NT5E: variants seen among roughly 807,000 people sequenced by gnomAD.
NT5E encodes the protein 5'-nucleotidase ecto.
NT5E carries 53 observed loss-of-function variants against 55.1 expected under a neutral mutation model. The ratio of observed to expected loss-of-function variants is 0.96; its 90% CI spans 0.77 to 1.21. NT5E has a LOEUF of 1.21. Among genes scored for constraint, NT5E ranks in the 50% most tolerant of loss-of-function variants. The pLI is 0.00. For synonymous variants in NT5E, 270 were observed against 278.4 expected (o/e 0.97, Z 0.30); for missense variants, 683 against 724.3 (o/e 0.94, Z 0.65).
intron 1 of NT5E, among the ~76,000 whole-genome samples, chr6:85,460,708 G>C (rs1277639562): frequency 6.6e-6 from 1 of 152,080 alleles, no homozygotes; most frequent in Non-Finnish European, 1.5e-5. Flanking sequence ...CTTTTCACCT[G>C]TAAATGAATG....
At chr6:85,481,006 G>A (rs1405338325) in intron 3 of NT5E, among the ~76,000 whole-genome samples, 1 of 152,098 alleles carries the variant, frequency 6.6e-6, no homozygotes, top group Non-Finnish European at 1.5e-5. Context: ...CTGAATTGAG[G>A]GGACCTGGGG....
At chr6:85,465,197 G>A (rs1156530009) in intron 1 of NT5E, among the ~76,000 whole-genome samples, 1 of 152,174 alleles carries the variant, frequency 6.6e-6, no homozygotes, top group Non-Finnish European at 1.5e-5. Context: ...AGGAGGATTA[G>A]GCTCAAGTTA....
rs528849512 is a variant in NT5E, at chr6:85,487,074, GGGCCAA to G, written c.950-260_950-255del. ...CGCCACCACTAATGCTGTCCCAGGTGGGCCAATGGGTAGCTCATACAGATGTGATGA... is the reference window on the plus strand; with the variant it reads ...CGCCACCACTAATGCTGTCCCAGGTGTGGGTAGCTCATACAGATGTGATGA... On this transcript the variant is annotated intron_variant, in intron 4 of 8. Transcript: ENST00000257770. 3.8e-3 allele frequency among the ~76,000 whole-genome samples: 580 copies of G among 152,304 alleles called. 2 individuals carry two copies. Among genetic ancestry groups the G allele is most frequent in the African/African-American group, 0.013 (553 of 41,556 alleles).
Position 85,494,227 on chromosome 6 carries a change from C to A in NT5E, c.*223C>A, listed in dbSNP as rs1769845891. On this transcript the variant is annotated 3_prime_UTR_variant, in exon 9 of 9. Coordinates refer to ENST00000257770, the MANE Select transcript of NT5E (RefSeq NM_002526.4). ...AACATAGGGCCCTATAAGGAGAAAG[C>A]CAACTATGTTAAGTTTACGTGTCCA... The A allele has an allele frequency of 1.9e-6, 1 of 538,966 alleles. No homozygotes were observed. Among genetic ancestry groups the A allele is most frequent in the Non-Finnish European group, 3.3e-6 (1 of 304,952 alleles). The allele number at this position is 538,966 out of a possible 1,614,324, so 33.4% of individuals were successfully genotyped here.
Position 85,494,627 on chromosome 6 carries a change from C to A in NT5E, c.*623C>A, listed in dbSNP as rs1435948983. On this transcript the variant is annotated 3_prime_UTR_variant, in exon 9 of 9. Coordinates refer to ENST00000257770, the MANE Select transcript of NT5E (RefSeq NM_002526.4). ...AGCCCCAAGCTCATGGATGACAAAT[C>A]TCTGCTTTATTTCTTGTCTCTATTT... is the stretch of plus-strand genomic sequence containing the variant. The A allele has an allele frequency of 1.3e-5, 2 of 153,286 alleles. No homozygotes were observed. Among genetic ancestry groups the A allele is most frequent in the Non-Finnish European group, 2.9e-5 (2 of 68,608 alleles). 9.5% of individuals were successfully genotyped at this position (153,286 alleles called of 1,614,324 possible).
At chr6:85,453,511 A>G (rs1302768100) in intron 1 of NT5E, among the ~76,000 whole-genome samples, 1 of 152,156 alleles carries the variant, frequency 6.6e-6, no homozygotes, top group African/African-American at 2.4e-5. Context: ...TATTTTTGCT[A>G]TAGTTACTCA....
intron 3 of NT5E, among the ~76,000 whole-genome samples, chr6:85,480,555 G>A (rs1769525409): frequency 6.6e-6 from 1 of 152,158 alleles, no homozygotes; most frequent in South Asian, 2.1e-4. Context: ...CAGAAGCAGA[G>A]ACAGCAGCCA....
At chr6:85,489,048 G>C (rs1769728242) in intron 5 of NT5E, among the ~76,000 whole-genome samples, 3 of 152,200 alleles carry the variant, frequency 2.0e-5, no homozygotes, top group African/African-American at 7.2e-5. Flanking sequence ...TTGGGAATCA[G>C]CTGCAGACAT....
chr6:85,476,823 T>C (rs1769446922), intron 3 of NT5E, among the ~76,000 whole-genome samples: 2 of 152,094 alleles, frequency 1.3e-5, no homozygotes, highest in East Asian at 1.9e-4. Flanking sequence ...TTTTCACCAG[T>C]GTCAAGCTTC....
Position 85,450,204 on chromosome 6 carries a change from C to T in NT5E, c.65C>T (p.Pro22Leu). 6.2e-7 allele frequency: 1 copy of T among 1,608,588 alleles called. No individual in the cohort carries two copies. The highest frequency in any genetic ancestry group is 8.5e-7 in the Non-Finnish European group (1 of 1,178,706). ...CTCGCCCTGGGCGCGGTGCTGTGGCCTGCGGCTGGCGCCTGGGAGCTTACG... is the reference window on the plus strand; with the variant it reads ...CTCGCCCTGGGCGCGGTGCTGTGGCTTGCGGCTGGCGCCTGGGAGCTTACG... ...LLLALGAVLW[P>L]AAGAWELTIL... is the part of the protein sequence containing the mutation. Residue 22 changes from proline to leucine, a missense_variant, in exon 1 of 9, where the codon CCT (proline) becomes CTT (leucine). Physicochemically the swap from Pro to Leu is moderately conservative, Grantham distance 98 (BLOSUM62 -3). Transcript: ENST00000257770. This position sits in a 1 kb window ranked among gnomAD's most constrained non-coding sequence, Gnocchi z 4.0.
intron 2 of NT5E, among the ~76,000 whole-genome samples, chr6:85,467,841 C>T (rs972540529): frequency 2.0e-5 from 3 of 151,250 alleles, no homozygotes; most frequent in Non-Finnish European, 4.4e-5. Flanking sequence ...CATTTATAGA[C>T]ATATATACAC....
rs145505137 is a variant in NT5E at position 85,492,158 on chromosome 6, A to G, written c.1542A>G (p.Glu514=). The change falls in exon 8 of 9, where the codon GAA becomes GAG. Residue 514 remains glutamate, a synonymous_variant. Coordinates refer to ENST00000257770, the MANE Select transcript of NT5E (RefSeq NM_002526.4). Reference sequence around the variant, plus strand: ...ATGGGTTCCAGATGATAAAAGATGAATTATTAAGACATGACTCTGGTAAGC... The same window carrying G: ...ATGGGTTCCAGATGATAAAAGATGAGTTATTAAGACATGACTCTGGTAAGC... ...GGDGFQMIKD[E]LLRHDSGDQD... The G allele has an allele frequency of 3.1e-6, 5 of 1,613,952 alleles. No individual in the cohort carries two copies. Among genetic ancestry groups the G allele is most frequent in the African/African-American group, 1.3e-5 (1 of 74,912 alleles).
rs761803323 is a variant in NT5E, at chr6:85,493,890, A to G, written c.1611A>G (p.Val537=). The G allele has an allele frequency of 6.2e-7, 1 of 1,614,048 alleles. No individual in the cohort carries two copies. Among genetic ancestry groups the G allele is most frequent in the Non-Finnish European group, 8.5e-7 (1 of 1,179,946 alleles). ...CTACATATATCTCCAAAATGAAAGT[A>G]ATTTATCCAGCAGTTGAAGGTCGGA... ...VVSTYISKMK[V]IYPAVEGRIK... is the part of the protein sequence containing the mutation. Residue 537 remains valine, a synonymous_variant, in exon 9 of 9, where the codon GTA becomes GTG. Transcript: ENST00000257770.
chr6:85,477,170 C>T (rs1472562351), intron 3 of NT5E, among the ~76,000 whole-genome samples: 1 of 152,108 alleles, frequency 6.6e-6, no homozygotes, highest in Admixed American at 6.5e-5. Flanking sequence ...TCCTCTTTCC[C>T]TCCCAGTCCA....
rs1210054793 is a variant in NT5E, at chr6:85,495,563, T to C, written c.*1559T>C. The C allele has an allele frequency of 2.0e-5, 3 of 152,244 alleles. No individual in the cohort carries two copies. Among genetic ancestry groups the C allele is most frequent in the African/African-American group, 7.2e-5 (3 of 41,470 alleles). The allele number at this position is 152,244 out of a possible 1,614,324, so 9.4% of individuals were successfully genotyped here. ...GTTCTATGCATATATGGATTAGCTA[T>C]AAAAAATGTCAATAAGATTGTACAA... is the stretch of plus-strand genomic sequence containing the variant. On this transcript the variant is annotated 3_prime_UTR_variant, in exon 9 of 9. Coordinates refer to ENST00000257770, the MANE Select transcript of NT5E (RefSeq NM_002526.4).
At chr6:85,451,488 A>G (rs76056740) in intron 1 of NT5E, among the ~76,000 whole-genome samples, 2,509 of 152,276 alleles carry the variant, frequency 0.016, 81 homozygotes, top group African/African-American at 0.057. Flanking sequence ...AAGTACAACC[A>G]AGATGTATAT....
In NT5E at chr6:85,450,566, G is replaced by A. The variant is rs1160749509; in HGVS notation, c.339+88G>A. ...AGCAGCGGATGGCAGAGTGTGGCAAGCCTAGGTCCAGGGCGCGGAGAGATG... is the reference window on the plus strand; with the variant it reads ...AGCAGCGGATGGCAGAGTGTGGCAAACCTAGGTCCAGGGCGCGGAGAGATG... On this transcript the variant is annotated intron_variant, in intron 1 of 8. Coordinates refer to ENST00000257770, the MANE Select transcript of NT5E (RefSeq NM_002526.4). This position sits in a 1 kb window ranked among gnomAD's most constrained non-coding sequence, Gnocchi z 4.0. 2 of 1,284,028 alleles carry A rather than the reference G, an allele frequency of 1.6e-6. No homozygotes were observed. The highest frequency in any genetic ancestry group is 2.5e-5 in the East Asian group (1 of 39,824). The allele number at this position is 1,284,028 out of a possible 1,614,324, so 79.5% of individuals were successfully genotyped here. A position where few individuals can be genotyped will look rare whatever the true frequency, so the allele number is the denominator to read the frequency against.
intron 3 of NT5E, among the ~76,000 whole-genome samples, chr6:85,484,510 A>C (rs1042277530): frequency 2.1e-4 from 32 of 152,116 alleles, no homozygotes; most frequent in Admixed American, 3.3e-4. Context: ...GCAGAACCTG[A>C]CCAGTGTGAG....
At chr6:85,487,736 G>A (rs901167129) in intron 5 of NT5E, among the ~76,000 whole-genome samples, 4 of 152,212 alleles carry the variant, frequency 2.6e-5, no homozygotes, top group Non-Finnish European at 5.9e-5. Flanking sequence ...GGGCAAAAGA[G>A]CGAGACTCTG....
Sources: gnomAD v4.1 joint callset for allele counts (sites outside exome capture counted in the v4.1 genomes callset) on GRCh38, gnomAD v4.1.1 for gene constraint, Gnocchi (gnomAD v3.1) non-coding constraint, MANE v1.5 for transcripts, NCBI Gene and HGNC (gene_info 2026-07-23, HGNC 2026-07-21) for gene names.